The following PLEKHG3 variants were observed in gnomAD, a reference collection of about 807,000 sequenced individuals.
PLEKHG3 encodes pleckstrin homology domain-containing family G member 3.
PLEKHG3 carries 62 observed loss-of-function variants against 94.9 expected under a neutral mutation model. The ratio of observed to expected loss-of-function variants is 0.65; its 90% CI spans 0.53 to 0.81. The LOEUF (loss-of-function observed/expected upper bound fraction) is 0.81, where lower values mean the gene tolerates loss of function less well. Ranked by LOEUF, PLEKHG3 falls within the 30% of genes least tolerant of loss-of-function variation. The pLI, the probability that PLEKHG3 is intolerant of heterozygous loss-of-function variation, is 0.00. For synonymous variants in PLEKHG3, 614 were observed against 654.0 expected (o/e 0.94, Z 0.93); for missense variants, 1,461 against 1,619.3 (o/e 0.90, Z 1.68).
At chr14:64,708,947 G>A (rs2081020866) in intron 1 of PLEKHG3, among the ~76,000 whole-genome samples, 1 of 152,108 alleles carries the variant, frequency 6.6e-6, no homozygotes, top group African/African-American at 2.4e-5. Flanking sequence ...AGAGGAAGTT[G>A]CAAAGAGGGC....
Position 64,732,966 on chromosome 14 carries a change from C to G in PLEKHG3, c.1345+65C>G. ...CACCCTTGCCCAGACTGGGGACCGTCTGCGGCAGTGTCCAGGGCTGTGGCT... is the reference window on the plus strand; with the variant it reads ...CACCCTTGCCCAGACTGGGGACCGTGTGCGGCAGTGTCCAGGGCTGTGGCT... On this transcript the variant is annotated intron_variant, in intron 12 of 16. Transcript: ENST00000247226. This position sits in a 1 kb window ranked among gnomAD's most constrained non-coding sequence, Gnocchi z 4.9. 1 of 1,030,092 alleles carries G rather than the reference C, an allele frequency of 9.7e-7. No homozygotes were observed. The highest frequency in any genetic ancestry group is 1.5e-6 in the Non-Finnish European group (1 of 672,394). 63.8% of individuals were successfully genotyped at this position (1,030,092 alleles called of 1,614,324 possible).
In PLEKHG3 at chr14:64,739,276, T is replaced by C. The variant is rs2081638016; in HGVS notation, c.1518+421T>C. Among the ~76,000 whole-genome samples, 1 of 152,208 alleles carries C rather than the reference T, an allele frequency of 6.6e-6. No individual in the cohort carries two copies. Among genetic ancestry groups the C allele is most frequent in the Non-Finnish European group, 1.5e-5 (1 of 68,034 alleles). ...TGTTGGACACCTCCTCTGTAACTGA[T>C]GTGTTATTTCTTCCTACTCTTCCCC... On this transcript the variant is annotated intron_variant, in intron 15 of 16. Transcript: ENST00000247226. The surrounding 1 kb of genome is among the most constrained non-coding windows in gnomAD (Gnocchi z 4.1).
At chr14:64,705,597 G>C (rs2080958594) in intron 1 of PLEKHG3, among the ~76,000 whole-genome samples, 1 of 152,162 alleles carries the variant, frequency 6.6e-6, no homozygotes, top group African/African-American at 2.4e-5. Flanking sequence ...GGGAACCCTG[G>C]AGTGGGGGTT....
chr14:64,729,200 G>C, intron 3 of PLEKHG3, 107 bp downstream of exon 3: 1 of 574,794 alleles, frequency 1.7e-6, no homozygotes, highest in South Asian at 2.1e-5. Context: ...TGACATGTGG[G>C]CCTGGGGCCT....
Position 64,731,350 on chromosome 14 carries a change from C to G in PLEKHG3, c.850-11C>G, listed in dbSNP as rs577321469. The stretch of plus-strand genomic sequence containing the variant: ...GGCCTGACTCTAGGGATTGGGGCCC[C>G]TCTGCTGCAGGAGATTCAGTCACTC... On this transcript the variant is annotated splice_polypyrimidine_tract_variant and intron_variant, in intron 7 of 16. Coordinates refer to ENST00000247226, the MANE Select transcript of PLEKHG3 (RefSeq NM_001308147.2). The surrounding 1 kb of genome is among the most constrained non-coding windows in gnomAD (Gnocchi z 6.1). 2 of 1,611,670 alleles carry G rather than the reference C, an allele frequency of 1.2e-6. No homozygotes were observed. Among genetic ancestry groups the G allele is most frequent in the South Asian group, 2.2e-5 (2 of 91,018 alleles).
chr14:64,711,452 T>C (rs1219865119), intron 1 of PLEKHG3, among the ~76,000 whole-genome samples: 1 of 151,938 alleles, frequency 6.6e-6, no homozygotes, highest in Non-Finnish European at 1.5e-5. Context: ...CTCACTCTGT[T>C]GCCCAGGCTG....
At chr14:64,737,902 C>A in intron 14 of PLEKHG3, 1 of 1,209,326 alleles carries the variant, frequency 8.3e-7, no homozygotes, top group Middle Eastern at 2.4e-4. Context: ...TTTGGGCAGC[C>A]CTCCCGTACT....
chr14:64,711,476 T>A (rs2139360343), intron 1 of PLEKHG3, among the ~76,000 whole-genome samples: 1 of 151,960 alleles, frequency 6.6e-6, no homozygotes, highest in South Asian at 2.1e-4. Context: ...TGCAGTGGCA[T>A]GATCTCGGCT....
Position 64,732,631 on chromosome 14 carries a change from G to A in PLEKHG3, c.1246+171G>A, listed in dbSNP as rs546813014. Among the ~76,000 whole-genome samples the A allele has an allele frequency of 7.2e-5, 11 of 151,758 alleles. No homozygotes were observed. The South Asian group carries it at 1.9e-3, about 26-fold the overall frequency. The stretch of plus-strand genomic sequence containing the variant: ...ATGATTAAGGATGCTCTCCTGCTGA[G>A]CGGTGGGACTCTCAGTGCCTGAAGC... On this transcript the variant is annotated intron_variant, in intron 11 of 16. Coordinates refer to ENST00000247226, the MANE Select transcript of PLEKHG3 (RefSeq NM_001308147.2). The surrounding 1 kb of genome is among the most constrained non-coding windows in gnomAD (Gnocchi z 4.9).
intron 12 of PLEKHG3, among the ~76,000 whole-genome samples, chr14:64,733,619 G>A (rs2081516135): frequency 6.6e-6 from 1 of 152,156 alleles, no homozygotes; most frequent in South Asian, 2.1e-4. Flanking sequence ...GCCCAGTCCT[G>A]GAACAACCGA....
At position 64,741,947 on chromosome 14, in the gene PLEKHG3, A is replaced by G. The variant is rs1018519653; in HGVS notation, c.2430A>G (p.Pro810=). The G allele has an allele frequency of 6.3e-7, 1 of 1,578,080 alleles. No homozygotes were observed. The highest frequency in any genetic ancestry group is 2.2e-5 in the East Asian group (1 of 44,604). ...CCATCTCAGATGCTGAGTTCCGCCC[A>G]TCTTCAGAAATTGTGAAGATCTGGG... ...PPPISDAEFR[P]SSEIVKIWEG... Residue 810 remains proline (P), a synonymous_variant, in exon 16 of 17, where the codon CCA becomes CCG. Coordinates refer to ENST00000247226, the MANE Select transcript of PLEKHG3 (RefSeq NM_001308147.2).
rs2081838790 is a variant in PLEKHG3 at position 64,746,434 on chromosome 14, AGCC to A, written c.*2738_*2740del. The A allele has an allele frequency of 6.5e-6, 1 of 152,712 alleles. No individual in the cohort carries two copies. Among genetic ancestry groups the A allele is most frequent in the Non-Finnish European group, 1.5e-5 (1 of 68,114 alleles). The allele number at this position is 152,712 out of a possible 1,614,324, so 9.5% of individuals were successfully genotyped here. On this transcript the variant is annotated 3_prime_UTR_variant, in exon 17 of 17. Transcript: ENST00000247226. The surrounding 1 kb of genome is among the most constrained non-coding windows in gnomAD (Gnocchi z 4.9). Reference sequence around the variant, plus strand: ...GCCCAACAGGGTTGCATTCCTCTGCAGCCGCCGCCTCCTCATTTCCTCCCTGAG... The same window carrying A: ...GCCCAACAGGGTTGCATTCCTCTGCAGCCGCCTCCTCATTTCCTCCCTGAG...
rs768398485 is a variant in PLEKHG3, at chr14:64,731,149, G to C, written c.829G>C (p.Glu277Gln). The change falls in exon 7 of 17, where the codon GAG becomes CAG. Residue 277 changes from glutamate (E) to glutamine (Q), a missense_variant. By Grantham distance (29) the Glu-to-Gln change is conservative (BLOSUM62 2). Transcript: ENST00000247226. The surrounding 1 kb of genome is among the most constrained non-coding windows in gnomAD (Gnocchi z 6.1). ...WYINDMKRRHEHAVRLQEIQS... is the reference protein window; with the variant it reads ...WYINDMKRRHQHAVRLQEIQS... ...CATCAACGACATGAAGAGGAGGCAT[G>C]AGCACGCGGTCCGGCTCCAGGTGCT... 1 of 1,612,860 alleles carries C rather than the reference G, an allele frequency of 6.2e-7. No homozygotes were observed. The highest frequency in any genetic ancestry group is 8.5e-7 in the Non-Finnish European group (1 of 1,179,092).
At chr14:64,740,955 G>A in intron 15 of PLEKHG3, 81 bp from the exon 16 acceptor site, 1 of 1,175,510 alleles carries the variant, frequency 8.5e-7, no homozygotes, top group Non-Finnish European at 1.2e-6. Context: ...TGGGCCTTGA[G>A]CAGGCCATGC....
rs1490997741 is a variant in PLEKHG3, at chr14:64,745,546, C to A, written c.*1843C>A. ...TGCAATCTTGGCTCACTGCAACCTC[C>A]GCCTCCCTGACCCTCACACTGTCCA... On this transcript the variant is annotated 3_prime_UTR_variant, in exon 17 of 17. Transcript: ENST00000247226. This position sits in a 1 kb window ranked among gnomAD's most constrained non-coding sequence, Gnocchi z 5.0. 6.6e-6 allele frequency: 1 copy of A among 152,432 alleles called. No individual in the cohort carries two copies. The highest frequency in any genetic ancestry group is 2.4e-5 in the African/African-American group (1 of 41,464). 9.4% of individuals were successfully genotyped at this position (152,432 alleles called of 1,614,324 possible). A position where few individuals can be genotyped will look rare whatever the true frequency, so the allele number is the denominator to read the frequency against.
chr14:64,707,938 T>A (rs2080999136), intron 1 of PLEKHG3, among the ~76,000 whole-genome samples: 1 of 152,234 alleles, frequency 6.6e-6, no homozygotes, highest in Non-Finnish European at 1.5e-5. Context: ...AGATAACGTA[T>A]GTTGAATGCT....
chr14:64,739,719 G>T lies in PLEKHG3; in HGVS notation c.1518+864G>T, dbSNP rs1421532402. 6.6e-6 allele frequency among the ~76,000 whole-genome samples: 1 copy of T among 152,264 alleles called. No individual in the cohort carries two copies. Among genetic ancestry groups the T allele is most frequent in the African/African-American group, 2.4e-5 (1 of 41,468 alleles). Reference sequence around the variant, plus strand: ...GGGAGGGCTTGCCCTCTGCTTCGTAGATGGTGGCTTCTTGCTGTGTCCTCA... The same window carrying T: ...GGGAGGGCTTGCCCTCTGCTTCGTATATGGTGGCTTCTTGCTGTGTCCTCA... On this transcript the variant is annotated intron_variant, in intron 15 of 16. Transcript: ENST00000247226. This position sits in a 1 kb window ranked among gnomAD's most constrained non-coding sequence, Gnocchi z 4.1.
rs2081903210 is a variant in PLEKHG3 at position 64,749,280 on chromosome 14, T to G, written c.*5577T>G. 1 of 1,555,048 alleles carries G rather than the reference T, an allele frequency of 6.4e-7. No individual in the cohort carries two copies. Among genetic ancestry groups the G allele is most frequent in the Non-Finnish European group, 8.7e-7 (1 of 1,155,536 alleles). ...CTGCCCGGTCTCTGCGCGTCCCGAC[T>G]CCGCCGCGCCCGCCAGCCCCACCTG... On this transcript the variant is annotated 3_prime_UTR_variant, in exon 17 of 17. Transcript: ENST00000247226. This position sits in a 1 kb window ranked among gnomAD's most constrained non-coding sequence, Gnocchi z 4.7.
chr14:64,742,137 G>T lies in PLEKHG3; in HGVS notation c.2620G>T (p.Gly874Trp). Residue 874 changes from glycine (G) to tryptophan (W), a missense_variant, in exon 16 of 17, where the codon GGG (glycine) becomes TGG (tryptophan). Around this residue, in one of 3 missense-constraint regions of PLEKHG3, gnomAD observed 1,201 missense variants for 1,295.5 expected, o/e 0.93. Transcript: ENST00000247226. ...CCCGGAAAGCTCCTCTCCCACTGAG[G>T]GGCGCAGCCCGGCCCACCTGGCCCG... ...ASPESSSPTE[G>W]RSPAHLAREL... The T allele has an allele frequency of 6.2e-7, 1 of 1,611,308 alleles. No homozygotes were observed. Among genetic ancestry groups the T allele is most frequent in the East Asian group, 2.2e-5 (1 of 44,874 alleles).
Sources: allele counts gnomAD v4.1 joint callset (sites outside exome capture counted in the v4.1 genomes callset), GRCh38; gene constraint gnomAD v4.1.1; regional missense constraint gnomAD v4.1.1; non-coding constraint Gnocchi (gnomAD v3.1); transcripts MANE v1.5; gene names NCBI Gene and HGNC (gene_info 2026-07-23, HGNC 2026-07-21).